The following MCUB variants were observed in gnomAD, a reference collection of about 807,000 sequenced individuals.
The protein encoded by MCUB is calcium uniporter regulatory subunit MCUb, mitochondrial.
MCUB carries 46 observed loss-of-function variants against 41.4 expected under a neutral mutation model. The observed-to-expected ratio is 1.11, with a 90% confidence interval of 0.88 to 1.42. The LOEUF is 1.42. Ranked by LOEUF, MCUB falls within the 40% of genes most tolerant of loss-of-function variation. The pLI is 0.00. For synonymous variants in MCUB, 148 were observed against 148.2 expected, an observed-to-expected ratio of 1.00 and a Z score of 0.01; for missense variants, 403 against 404.9, an observed-to-expected ratio of 1.00 and a Z score of 0.04.
intron 1 of MCUB, among the ~76,000 whole-genome samples, chr4:109,612,712 A>G (rs1037704998): frequency 6.6e-6 from 1 of 152,206 alleles, no homozygotes; most frequent in Admixed American, 6.5e-5. Flanking sequence ...AGAGGGGGAC[A>G]TACAAATATT....
intron 1 of MCUB, among the ~76,000 whole-genome samples, chr4:109,640,595 A>G (rs952507623): frequency 2.6e-5 from 4 of 152,208 alleles, no homozygotes; most frequent in Non-Finnish European, 4.4e-5. Context: ...TAAACCTCAT[A>G]TACCAACCTC....
At chr4:109,614,719 C>T (rs528377204) in intron 1 of MCUB, among the ~76,000 whole-genome samples, 3 of 151,318 alleles carry the variant, frequency 2.0e-5, no homozygotes, top group Middle Eastern at 3.4e-3. Flanking sequence ...ACTTTTCATC[C>T]GTCATCCTTT....
intron 1 of MCUB, among the ~76,000 whole-genome samples, chr4:109,609,825 G>A (rs1430898293): frequency 6.6e-6 from 1 of 152,124 alleles, no homozygotes; most frequent in African/African-American, 2.4e-5. Flanking sequence ...TCAGCAGGTG[G>A]CAAGGCCAGC....
Position 109,659,062 on chromosome 4 carries a change from T to C in MCUB, c.151T>C (p.Tyr51His). Reference sequence around the variant, plus strand: ...TGTGAAATACTACCAGTCACACCATTATAGTACCGTGGTGCCACCTGATGG... The same window carrying C: ...TGTGAAATACTACCAGTCACACCATCATAGTACCGTGGTGCCACCTGATGG... The part of the protein sequence containing the change: ...GNVKYYQSHH[Y>H]STVVPPDEIT... The change falls in exon 2 of 8, where the codon TAT becomes CAT. Residue 51 changes from tyrosine (Y) to histidine (H), a missense_variant. Physicochemically the swap from Tyr to His is moderately conservative, Grantham distance 83 (BLOSUM62 2). Coordinates refer to ENST00000394650, the MANE Select transcript of MCUB (RefSeq NM_017918.5). The C allele has an allele frequency of 6.5e-7, 1 of 1,532,384 alleles. No individual in the cohort carries two copies. Among genetic ancestry groups the C allele is most frequent in the Non-Finnish European group, 8.9e-7 (1 of 1,129,308 alleles). 94.9% of individuals were successfully genotyped at this position (1,532,384 alleles called of 1,614,324 possible).
At chr4:109,614,903 A>G (rs1483345562) in intron 1 of MCUB, among the ~76,000 whole-genome samples, 1 of 152,126 alleles carries the variant, frequency 6.6e-6, no homozygotes. Flanking sequence ...GATGAACCCA[A>G]CTGATACACA....
At chr4:109,686,627 G>A (rs576468471) in intron 7 of MCUB, among the ~76,000 whole-genome samples, 311 of 152,332 alleles carry the variant, frequency 2.0e-3, no homozygotes, top group African/African-American at 7.1e-3. Flanking sequence ...TGTGATCCCA[G>A]TGATTTGGGA....
chr4:109,638,532 G>A (rs1192307148), intron 1 of MCUB, among the ~76,000 whole-genome samples: 9 of 151,942 alleles, frequency 5.9e-5, no homozygotes, highest in Non-Finnish European at 1.3e-4. Context: ...CCTCAATGTT[G>A]ATGGCTGATG....
intron 1 of MCUB, among the ~76,000 whole-genome samples, chr4:109,587,233 G>A (rs577732717): frequency 7.2e-5 from 11 of 152,388 alleles, no homozygotes; most frequent in Middle Eastern, 3.4e-3. Context: ...CTAGCAGTGA[G>A]CAAGGCTCCA....
chr4:109,598,724 C>G (rs905527589), intron 1 of MCUB, among the ~76,000 whole-genome samples: 12 of 152,138 alleles, frequency 7.9e-5, no homozygotes, highest in African/African-American at 2.7e-4. Context: ...GGCCTGGTTA[C>G]AAAGGATTTG....
intron 4 of MCUB, among the ~76,000 whole-genome samples, chr4:109,667,889 TTTC>T (rs1729380288): frequency 6.6e-6 from 1 of 152,002 alleles, no homozygotes; most frequent in Non-Finnish European, 1.5e-5. Flanking sequence ...TTTCTTGTGA[TTTC>T]TTCTTTGACC....
chr4:109,616,008 A>C (rs1313864949), intron 1 of MCUB, among the ~76,000 whole-genome samples: 1 of 152,180 alleles, frequency 6.6e-6, no homozygotes, highest in Non-Finnish European at 1.5e-5. Context: ...CAACATGGTG[A>C]GTAGTAACTT....
intron 4 of MCUB, among the ~76,000 whole-genome samples, chr4:109,665,384 C>T (rs1243600780): frequency 2.0e-5 from 3 of 152,074 alleles, no homozygotes; most frequent in Non-Finnish European, 4.4e-5. Flanking sequence ...TATCAATTAG[C>T]CTATGGTAAA....
At chr4:109,665,994 G>A (rs1008363165) in intron 4 of MCUB, among the ~76,000 whole-genome samples, 6 of 151,928 alleles carry the variant, frequency 3.9e-5, no homozygotes, top group Non-Finnish European at 5.9e-5. Context: ...AAGGGGGAAA[G>A]GAAGAGAGAG....
At chr4:109,659,192 C>T (rs750963884) in intron 2 of MCUB, 106 bp downstream of exon 2, 26 of 692,560 alleles carry the variant, frequency 3.8e-5, no homozygotes, top group Non-Finnish European at 6.2e-5. Flanking sequence ...TTACACTATC[C>T]CCATCCCACC....
intron 3 of MCUB, among the ~76,000 whole-genome samples, chr4:109,661,403 A>G (rs1225600279): frequency 1.3e-5 from 2 of 152,192 alleles, no homozygotes; most frequent in Non-Finnish European, 2.9e-5. Context: ...CTTTTTCCCT[A>G]TCCAAGTTCC....
At chr4:109,684,703 T>C (rs1329278680) in intron 6 of MCUB, 57 bp downstream of exon 6, 3 of 825,346 alleles carry the variant, frequency 3.6e-6, no homozygotes, top group African/African-American at 3.4e-5. Context: ...GAATGTCTTA[T>C]CTAAGCAATG....
At chr4:109,671,873 C>G (rs1322051827) in intron 4 of MCUB, among the ~76,000 whole-genome samples, 1 of 152,092 alleles carries the variant, frequency 6.6e-6, no homozygotes, top group African/African-American at 2.4e-5. Flanking sequence ...TTTTATGTGG[C>G]TAGGAGTTAG....
intron 1 of MCUB, among the ~76,000 whole-genome samples, chr4:109,621,399 G>T (rs1254578067): frequency 1.3e-5 from 2 of 152,100 alleles, no homozygotes; most frequent in African/African-American, 4.8e-5. Context: ...CTTAGAGTTG[G>T]GTGGTACAAA....
In MCUB at chr4:109,687,631, A is replaced by G; in HGVS notation, c.*39A>G. The G allele has an allele frequency of 7.3e-7, 1 of 1,368,944 alleles. No individual in the cohort carries two copies. Among genetic ancestry groups the G allele is most frequent in the Non-Finnish European group, 1.0e-6 (1 of 966,086 alleles). 84.8% of individuals were successfully genotyped at this position (1,368,944 alleles called of 1,614,324 possible). A position where few individuals can be genotyped will look rare whatever the true frequency, so the allele number is the denominator to read the frequency against. On this transcript the variant is annotated 3_prime_UTR_variant, in exon 8 of 8. Coordinates refer to ENST00000394650, the MANE Select transcript of MCUB (RefSeq NM_017918.5). ...AATGTCGTCAGATTTTCCATTATGT[A>G]TTGATTTTGCAACTTAGGATGTTTT...
Sources: gnomAD v4.1 joint callset for allele counts (sites outside exome capture counted in the v4.1 genomes callset) on GRCh38, gnomAD v4.1.1 for gene constraint, MANE v1.5 for transcripts, NCBI Gene and HGNC (gene_info 2026-07-23, HGNC 2026-07-21) for gene names.